CACNA1A: variants seen among roughly 807,000 people sequenced by gnomAD.
CACNA1A encodes voltage-dependent P/Q-type calcium channel subunit alpha-1A.
A neutral mutation model predicts 262.4 loss-of-function variants in CACNA1A; 57 were observed. The observed-to-expected ratio is 0.22, with a 90% CI of 0.18 to 0.27. The LOEUF (loss-of-function observed/expected upper bound fraction) is 0.27. CACNA1A is among the 10% of genes least tolerant of loss of function. The pLI, the probability that CACNA1A is intolerant of heterozygous loss-of-function variation, is 1.00. For synonymous variants in CACNA1A, 1,431 were observed against 1,419.3 expected (o/e 1.01, Z -0.18); for missense variants, 2,526 against 3,562.8 (o/e 0.71, Z 7.41).
chr19:13,461,571 G>A (rs1401291516), intron 1 of CACNA1A, among the ~76,000 whole-genome samples: 1 of 152,216 alleles, frequency 6.6e-6, no homozygotes, highest in African/African-American at 2.4e-5. Context: ...GGTAAGAGAT[G>A]CCTCGCCCGA....
chr19:13,330,422 T>A (rs1165508901), intron 9 of CACNA1A, 89 bp from the exon 10 acceptor site: 4 of 924,522 alleles, frequency 4.3e-6, no homozygotes, highest in African/African-American at 1.6e-5. Flanking sequence ...TGGATTTAAC[T>A]CTCACGGCAA....
At chr19:13,429,484 G>C (rs1221904427) in intron 3 of CACNA1A, among the ~76,000 whole-genome samples, 1 of 126,248 alleles carries the variant, frequency 7.9e-6, no homozygotes, top group African/African-American at 3.2e-5. Flanking sequence ...AGAGATGTGT[G>C]CCCCCCTCAC....
chr19:13,483,723 C>A (rs10409870), intron 1 of CACNA1A, among the ~76,000 whole-genome samples: 18,901 of 152,088 alleles, frequency 0.12, 2,480 homozygotes, highest in African/African-American at 0.34. Context: ...ATGGTGTTAT[C>A]TGATCCCTAG....
Position 13,214,046 on chromosome 19 carries a change from C to G in CACNA1A, c.5940+187G>C. On this transcript the variant is annotated intron_variant, in intron 40 of 46. Transcript: ENST00000360228. This position sits in a 1 kb window ranked among gnomAD's most constrained non-coding sequence, Gnocchi z 4.1. ...TTGCCCAGGGTGGTCTCATCCTGGT[C>G]TCAAACGATCCCTCTGCCCTGGCCT... The G allele has an allele frequency of 1.7e-6, 1 of 589,942 alleles. No individual in the cohort carries two copies. Among genetic ancestry groups the G allele is most frequent in the Non-Finnish European group, 3.0e-6 (1 of 329,104 alleles). 36.5% of individuals were successfully genotyped at this position (589,942 alleles called of 1,614,324 possible).
intron 1 of CACNA1A, among the ~76,000 whole-genome samples, chr19:13,489,639 A>G (rs1220926678): frequency 2.0e-5 from 3 of 152,190 alleles, no homozygotes; most frequent in Non-Finnish European, 4.4e-5. Flanking sequence ...GGGAGCAATG[A>G]AGAAATTAGG....
chr19:13,433,355 G>A lies in CACNA1A; in HGVS notation c.539+19521C>T, dbSNP rs551579150. On this transcript the variant is annotated intron_variant, in intron 3 of 46. Transcript: ENST00000360228. ...GTGTGCCCATAGTCCTAGCTACTCA[G>A]GAGGCTGACGTGGGAGGATTGCTTG... 2.7e-5 allele frequency among the ~76,000 whole-genome samples: 4 copies of A among 150,328 alleles called. No homozygotes were observed. The East Asian group carries it at 7.9e-4, about 30-fold the overall frequency.
rs575018891 is a variant in CACNA1A, at chr19:13,404,275, C to G, written c.540-32496G>C. Among the ~76,000 whole-genome samples, 27 of 152,186 alleles carry G rather than the reference C, an allele frequency of 1.8e-4. No individual in the cohort carries two copies. The South Asian group carries it at 2.3e-3, about 13-fold the overall frequency. On this transcript the variant is annotated intron_variant, in intron 3 of 46. Coordinates refer to ENST00000360228, the MANE Select transcript of CACNA1A (RefSeq NM_001127222.2). ...AGGAAATAATGGTCACAGCTTCCACCCGGAGCTCAGGAGCGTGGAGCAGGC... is the reference window on the plus strand; with the variant it reads ...AGGAAATAATGGTCACAGCTTCCACGCGGAGCTCAGGAGCGTGGAGCAGGC...
intron 3 of CACNA1A, among the ~76,000 whole-genome samples, chr19:13,403,590 C>T (rs967904715): frequency 6.6e-6 from 1 of 152,048 alleles, no homozygotes; most frequent in Non-Finnish European, 1.5e-5. Flanking sequence ...CACCATGTTG[C>T]GTATGGGTGT....
intron 1 of CACNA1A, among the ~76,000 whole-genome samples, chr19:13,487,207 G>C (rs1980118415): frequency 6.6e-6 from 1 of 152,192 alleles, no homozygotes; most frequent in South Asian, 2.1e-4. Context: ...ACCCAGCTGA[G>C]ATGAAACCTC....
chr19:13,461,352 A>G (rs1568668523), intron 1 of CACNA1A, among the ~76,000 whole-genome samples: 1 of 151,644 alleles, frequency 6.6e-6, no homozygotes, highest in East Asian at 1.9e-4. Flanking sequence ...AAACAAAACA[A>G]AACAAAACAA....
chr19:13,268,042 T>C (rs1291620659), intron 24 of CACNA1A, among the ~76,000 whole-genome samples: 2 of 152,016 alleles, frequency 1.3e-5, no homozygotes, highest in East Asian at 2.0e-4. Context: ...GGATTACAAG[T>C]GTGAGCCACT....
intron 1 of CACNA1A, among the ~76,000 whole-genome samples, chr19:13,470,869 T>C (rs1164673981): frequency 6.6e-6 from 1 of 152,224 alleles, no homozygotes; most frequent in African/African-American, 2.4e-5. Context: ...TCTTAGAGCA[T>C]CTCATAGGAG....
At chr19:13,457,115 G>A (rs2061026947) in intron 1 of CACNA1A, among the ~76,000 whole-genome samples, 1 of 152,146 alleles carries the variant, frequency 6.6e-6, no homozygotes, top group Non-Finnish European at 1.5e-5. Flanking sequence ...GCCGGGCATA[G>A]TGGCGCAGGC....
At chr19:13,255,299 G>T (rs1309548528) in intron 28 of CACNA1A, 40 bp from the exon 29 acceptor site, 1 of 1,535,168 alleles carries the variant, frequency 6.5e-7, no homozygotes, top group South Asian at 1.2e-5. Flanking sequence ...GCAGAGGCAG[G>T]AGGAAGGTGG....
intron 10 of CACNA1A, among the ~76,000 whole-genome samples, chr19:13,325,179 CTCT>C (rs999766263): frequency 0.014 from 1,893 of 138,708 alleles, 44 homozygotes; most frequent in African/African-American, 0.049. Flanking sequence ...TTCTTTCCTC[CTCT>C]TCTTCTTCTT....
intron 1 of CACNA1A, among the ~76,000 whole-genome samples, chr19:13,504,240 T>TTCA (rs1381171350): frequency 2.0e-5 from 3 of 152,144 alleles, no homozygotes; most frequent in African/African-American, 7.2e-5. Context: ...TCAATGGGCC[T>TTCA]GGGATGGTGA....
At chr19:13,239,018 G>A (rs2055978178) in intron 31 of CACNA1A, among the ~76,000 whole-genome samples, 1 of 152,016 alleles carries the variant, frequency 6.6e-6, no homozygotes, top group African/African-American at 2.4e-5. Flanking sequence ...CTCTTGCTGC[G>A]ATTCCTGGTG....
At chr19:13,310,470 A>AT (rs1376182379) in intron 12 of CACNA1A, among the ~76,000 whole-genome samples, 3 of 42,726 alleles carry the variant, frequency 7.0e-5, no homozygotes, top group Admixed American at 2.6e-4. Context: ...AAAAAAAAAA[A>AT]AAAAAAAAAA....
rs2144767291 is a variant in CACNA1A at position 13,261,498 on chromosome 19, T to C, written c.4202A>G (p.Lys1401Arg). 1.9e-6 allele frequency: 3 copies of C among 1,589,986 alleles called. No homozygotes were observed. Among genetic ancestry groups the C allele is most frequent in the Non-Finnish European group, 2.6e-6 (3 of 1,168,276 alleles). ...GGACTCGTCAGTGCAGTGGAAGAATTTCCCCTTGAAGAGCTGCACAGCCAC... is the reference window on the plus strand; with the variant it reads ...GGACTCGTCAGTGCAGTGGAAGAATCTCCCCTTGAAGAGCTGCACAGCCAC... Reference protein sequence around the residue: ...AVVAVQLFKGKFFHCTDESKE... With the variant: ...AVVAVQLFKGRFFHCTDESKE... Residue 1401 changes from lysine (K) to arginine (R), a missense_variant, in exon 26 of 47, where the codon AAA (lysine) becomes AGA (arginine). Physicochemically the swap from Lys to Arg is conservative, Grantham distance 26 (BLOSUM62 2). This residue lies in a region of CACNA1A where 137 missense variants were observed against 377.7 expected (regional missense o/e 0.36). Transcript: ENST00000360228.
Sources: allele counts gnomAD v4.1 joint callset (sites outside exome capture counted in the v4.1 genomes callset), GRCh38; gene constraint gnomAD v4.1.1; regional missense constraint gnomAD v4.1.1; non-coding constraint Gnocchi (gnomAD v3.1); transcripts MANE v1.5; gene names NCBI Gene and HGNC (gene_info 2026-07-23, HGNC 2026-07-21).